Variants in PHKB observed in about 807,000 individuals in gnomAD.
PHKB encodes phosphorylase kinase regulatory subunit beta, also known as phosphorylase b kinase regulatory subunit beta.
PHKB carries 122 observed loss-of-function variants against 152.1 expected under a neutral mutation model. The ratio of observed to expected loss-of-function variants is 0.80; its 90% CI spans 0.69 to 0.93. PHKB has a LOEUF of 0.93. Ranked by LOEUF, PHKB falls within the 40% of genes least tolerant of loss-of-function variation. PHKB has a pLI of 0.00. For missense variants in PHKB, 1,304 were observed against 1,328.4 expected, an observed-to-expected ratio of 0.98 and a Z score of 0.29; for synonymous variants, 436 against 464.9, an observed-to-expected ratio of 0.94 and a Z score of 0.80.
intron 16 of PHKB, among the ~76,000 whole-genome samples, chr16:47,646,919 G>A (rs928776523): frequency 6.6e-6 from 1 of 152,024 alleles, no homozygotes; most frequent in African/African-American, 2.4e-5. Context: ...GGAGATAGGA[G>A]TTTAAAAAGG....
At chr16:47,504,449 G>A (rs1249752766) in intron 4 of PHKB, among the ~76,000 whole-genome samples, 4 of 152,164 alleles carry the variant, frequency 2.6e-5, no homozygotes, top group Non-Finnish European at 4.4e-5. Flanking sequence ...TTACATTTAG[G>A]TTTAGCCCCT....
chr16:47,482,727 A>T (rs1200939803), intron 1 of PHKB, among the ~76,000 whole-genome samples: 1 of 150,350 alleles, frequency 6.7e-6, no homozygotes, highest in African/African-American at 2.4e-5. Context: ...AATACAATTA[A>T]TTTTTTTTTT....
intron 20 of PHKB, among the ~76,000 whole-genome samples, chr16:47,657,719 G>A (rs1973363905): frequency 6.6e-6 from 1 of 152,038 alleles, no homozygotes; most frequent in Admixed American, 6.5e-5. Flanking sequence ...GAATATAAGG[G>A]TGAGTAGGCT....
At chr16:47,491,230 A>G (rs933560450) in intron 1 of PHKB, among the ~76,000 whole-genome samples, 4 of 152,066 alleles carry the variant, frequency 2.6e-5, no homozygotes, top group African/African-American at 9.7e-5. Context: ...GGACAGACAT[A>G]TAGTTCTATA....
chr16:47,578,122 A>G lies in PHKB; in HGVS notation c.711-2173A>G, dbSNP rs1971780357. Among the ~76,000 whole-genome samples, 3 of 152,072 alleles carry G rather than the reference A, an allele frequency of 2.0e-5. No homozygotes were observed. In the South Asian group the frequency reaches 6.2e-4, roughly 31 times the overall value. On this transcript the variant is annotated intron_variant, in intron 7 of 30. Coordinates refer to ENST00000323584, the MANE Select transcript of PHKB (RefSeq NM_000293.3). ...TTCTGCTGTTGAGCCTATCTACTGA[A>G]CTTTTTATTTACACTATTATATTTC...
chr16:47,591,403 C>T (rs1972026600), intron 10 of PHKB, among the ~76,000 whole-genome samples: 1 of 152,186 alleles, frequency 6.6e-6, no homozygotes, highest in South Asian at 2.1e-4. Context: ...AATCCATTTA[C>T]ATTACTGAGT....
At chr16:47,571,366 G>C (rs1278033411) in intron 7 of PHKB, among the ~76,000 whole-genome samples, 3 of 152,142 alleles carry the variant, frequency 2.0e-5, no homozygotes, top group Admixed American at 2.0e-4. Flanking sequence ...GACAGAGGCA[G>C]CTGGGGGCAG....
chr16:47,481,866 C>G (rs543937798), intron 1 of PHKB, among the ~76,000 whole-genome samples: 2 of 152,244 alleles, frequency 1.3e-5, no homozygotes, highest in East Asian at 3.9e-4. Flanking sequence ...GTTTTCAAAA[C>G]GCTTGTTGTT....
chr16:47,631,540 A>T (rs1207590451), intron 14 of PHKB, among the ~76,000 whole-genome samples: 1 of 152,184 alleles, frequency 6.6e-6, no homozygotes, highest in Non-Finnish European at 1.5e-5. Context: ...CAGGTTTGTT[A>T]CATTGGTATG....
At chr16:47,696,626 C>T (rs936043741) in intron 29 of PHKB, 138 bp downstream of exon 29, 2 of 695,928 alleles carry the variant, frequency 2.9e-6, no homozygotes, top group African/African-American at 3.5e-5. Flanking sequence ...ACCCAGAACC[C>T]TATTCTTTCC....
chr16:47,571,178 A>T (rs991803291), intron 7 of PHKB, among the ~76,000 whole-genome samples: 80 of 152,122 alleles, frequency 5.3e-4, no homozygotes, highest in African/African-American at 1.9e-3. Flanking sequence ...AGATCTCAGG[A>T]AGCTTATCTT....
chr16:47,488,352 A>G (rs1209123446), intron 1 of PHKB, among the ~76,000 whole-genome samples: 1 of 152,272 alleles, frequency 6.6e-6, no homozygotes, highest in South Asian at 2.1e-4. Flanking sequence ...CCTTTGTTGG[A>G]TGCAGAGTTT....
In PHKB at chr16:47,699,565, G is replaced by A. The variant is rs2142114254; in HGVS notation, c.*199G>A. The A allele has an allele frequency of 3.1e-6, 2 of 642,174 alleles. No homozygotes were observed. Among genetic ancestry groups the A allele is most frequent in the Middle Eastern group, 3.8e-4 (1 of 2,632 alleles). The allele number at this position is 642,174 out of a possible 1,614,324, so 39.8% of individuals were successfully genotyped here. A position where few individuals can be genotyped will look rare whatever the true frequency, so the allele number is the denominator to read the frequency against. The stretch of plus-strand genomic sequence containing the variant: ...ATGGTAAATGCTTTTAATCAAGCAG[G>A]AAAAAGTTCTCATGATTATGCCAAC... On this transcript the variant is annotated 3_prime_UTR_variant, in exon 31 of 31. Coordinates refer to ENST00000323584, the MANE Select transcript of PHKB (RefSeq NM_000293.3).
chr16:47,473,138 A>T (rs991438097), intron 1 of PHKB, among the ~76,000 whole-genome samples: 2 of 146,498 alleles, frequency 1.4e-5, no homozygotes, highest in Non-Finnish European at 3.0e-5. Context: ...GCACTGTCAC[A>T]GTTCACTGCA....
chr16:47,693,625 A>G, intron 28 of PHKB, 118 bp downstream of exon 28: 1 of 1,123,850 alleles, frequency 8.9e-7, no homozygotes, highest in Non-Finnish European at 1.3e-6. Context: ...ATTTTCAAAG[A>G]AGGAATGAAA....
intron 26 of PHKB, among the ~76,000 whole-genome samples, chr16:47,682,615 A>G (rs189836471): frequency 6.6e-6 from 1 of 152,288 alleles, no homozygotes; most frequent in East Asian, 1.9e-4. Context: ...CAGCTCCATC[A>G]GGTCCTTTAA....
chr16:47,481,681 T>C (rs1184833944), intron 1 of PHKB, among the ~76,000 whole-genome samples: 2 of 152,220 alleles, frequency 1.3e-5, no homozygotes, highest in Non-Finnish European at 2.9e-5. Context: ...AGACAATTCG[T>C]ATTTAATATG....
At chr16:47,572,675 G>A (rs185613347) in intron 7 of PHKB, among the ~76,000 whole-genome samples, 15 of 152,306 alleles carry the variant, frequency 9.8e-5, no homozygotes, top group Non-Finnish European at 2.2e-4. Flanking sequence ...GGTGGCAGTA[G>A]GGGAGTGGCA....
chr16:47,626,419 A>G (rs1220329963), intron 14 of PHKB, among the ~76,000 whole-genome samples: 1 of 152,226 alleles, frequency 6.6e-6, no homozygotes, highest in African/African-American at 2.4e-5. Context: ...ATCAAGTGCC[A>G]AAGAAGAAAG....
Sources: allele counts gnomAD v4.1 joint callset (sites outside exome capture counted in the v4.1 genomes callset), GRCh38; gene constraint gnomAD v4.1.1; transcripts MANE v1.5; gene names NCBI Gene and HGNC (gene_info 2026-07-23, HGNC 2026-07-21).